DSCAML1: variants seen among roughly 807,000 people sequenced by gnomAD.
The protein encoded by DSCAML1 is DS cell adhesion molecule like 1.
DSCAML1 carries 38 observed loss-of-function variants against 200.5 expected under a neutral mutation model. The observed-to-expected ratio is 0.19, with a 90% CI of 0.15 to 0.25. The LOEUF (loss-of-function observed/expected upper bound fraction) is 0.25. Among genes scored for constraint, DSCAML1 ranks in the 10% least tolerant of loss-of-function variants. The pLI is 1.00. For missense variants in DSCAML1, 2,223 were observed against 2,858.8 expected, an observed-to-expected ratio of 0.78 and a Z score of 5.07; for synonymous variants, 1,215 against 1,165.0, an observed-to-expected ratio of 1.04 and a Z score of -0.87.
chr11:117,526,106 G>A (rs1479770907), intron 4 of DSCAML1, among the ~76,000 whole-genome samples: 1 of 152,234 alleles, frequency 6.6e-6, no homozygotes, highest in Non-Finnish European at 1.5e-5. Context: ...GAATTTCTGA[G>A]TGGTGTCCTG....
Position 117,486,430 on chromosome 11 carries a change from G to A in DSCAML1, c.2360-4268C>T, listed in dbSNP as rs902649351. Among the ~76,000 whole-genome samples, 24 of 151,472 alleles carry A rather than the reference G, an allele frequency of 1.6e-4. 1 individual carries two copies. The highest frequency in any genetic ancestry group is 2.1e-4 in the South Asian group (1 of 4,788). Reference sequence around the variant, plus strand: ...GGAAAGTGGCGGATGTGAAAATGGCGGATGTGAAAGTGGCAGATATGAAAG... The same window carrying A: ...GGAAAGTGGCGGATGTGAAAATGGCAGATGTGAAAGTGGCAGATATGAAAG... On this transcript the variant is annotated intron_variant, in intron 11 of 32. Coordinates refer to ENST00000651296, the MANE Select transcript of DSCAML1 (RefSeq NM_020693.4).
chr11:117,691,820 C>T (rs543997946), intron 3 of DSCAML1, among the ~76,000 whole-genome samples: 3 of 152,138 alleles, frequency 2.0e-5, no homozygotes, highest in Admixed American at 6.5e-5. Context: ...TTGCTCACAA[C>T]TTTCATTTCC....
chr11:117,706,060 G>T (rs2053754167), intron 3 of DSCAML1, among the ~76,000 whole-genome samples: 1 of 152,054 alleles, frequency 6.6e-6, no homozygotes, highest in Admixed American at 6.6e-5. Context: ...AGGTGGCTTG[G>T]CCTAATGAGC....
chr11:117,434,792 TCATCCATCCATC>T (rs572141989), intron 27 of DSCAML1, among the ~76,000 whole-genome samples: 70 of 151,626 alleles, frequency 4.6e-4, no homozygotes, highest in African/African-American at 1.7e-3. Flanking sequence ...ATCCACCCAA[TCATCCATCCATC>T]CATCCATCCT....
At chr11:117,452,648 T>C (rs1320727074) in intron 19 of DSCAML1, among the ~76,000 whole-genome samples, 2 of 152,244 alleles carry the variant, frequency 1.3e-5, no homozygotes, top group African/African-American at 2.4e-5. Context: ...TATTAAATAC[T>C]TTCTATTTGT....
Position 117,469,706 on chromosome 11 carries a change from G to A in DSCAML1, c.3024+204C>T, listed in dbSNP as rs1432160237. Among the ~76,000 whole-genome samples the A allele has an allele frequency of 6.6e-6, 1 of 152,096 alleles. No individual in the cohort carries two copies. Among genetic ancestry groups the A allele is most frequent in the African/African-American group, 2.4e-5 (1 of 41,420 alleles). On this transcript the variant is annotated intron_variant, in intron 16 of 32. Coordinates refer to ENST00000651296, the MANE Select transcript of DSCAML1 (RefSeq NM_020693.4). This position sits in a 1 kb window ranked among gnomAD's most constrained non-coding sequence, Gnocchi z 4.1. ...CTCCATCAGAGAACCAGGGAGGAGA[G>A]GGAAGTGGGGATTATTGTGCTGGAG...
chr11:117,640,492 C>T (rs1021540450), intron 3 of DSCAML1, among the ~76,000 whole-genome samples: 3 of 152,210 alleles, frequency 2.0e-5, no homozygotes, highest in African/African-American at 7.2e-5. Flanking sequence ...GACTGAAAGC[C>T]AGCCTCTGGG....
At chr11:117,524,566 T>C (rs979927212) in intron 5 of DSCAML1, among the ~76,000 whole-genome samples, 5 of 152,180 alleles carry the variant, frequency 3.3e-5, no homozygotes, top group African/African-American at 1.2e-4. Flanking sequence ...GAGCTGATGG[T>C]CATGGTTATG....
intron 1 of DSCAML1, among the ~76,000 whole-genome samples, chr11:117,803,789 G>T (rs906176513): frequency 6.6e-6 from 1 of 152,218 alleles, no homozygotes; most frequent in African/African-American, 2.4e-5. Context: ...CCCTTGGAGA[G>T]ATTTTCCTCC....
At chr11:117,691,648 G>A (rs546988221) in intron 3 of DSCAML1, among the ~76,000 whole-genome samples, 7 of 152,240 alleles carry the variant, frequency 4.6e-5, no homozygotes, top group Admixed American at 2.6e-4. Context: ...CCTGCTCGGC[G>A]TTTAATCTTA....
chr11:117,699,865 C>A (rs2053639370), intron 3 of DSCAML1, among the ~76,000 whole-genome samples: 1 of 152,228 alleles, frequency 6.6e-6, no homozygotes, highest in Non-Finnish European at 1.5e-5. Context: ...ACATACACTC[C>A]ACCCAGCCCA....
At chr11:117,514,579 T>C (rs866659819) in intron 8 of DSCAML1, among the ~76,000 whole-genome samples, 31,871 of 104,270 alleles carry the variant, frequency 0.31, 3,741 homozygotes, top group Non-Finnish European at 0.35. Flanking sequence ...TTTCTTTTTT[T>C]TTTTTTTTTT....
chr11:117,615,814 C>T (rs554827076), intron 3 of DSCAML1, among the ~76,000 whole-genome samples: 2 of 152,262 alleles, frequency 1.3e-5, no homozygotes, highest in East Asian at 1.9e-4. Context: ...CTAGGGTTCC[C>T]ATCAGTGGCC....
At chr11:117,734,242 G>A (rs1044563484) in intron 3 of DSCAML1, among the ~76,000 whole-genome samples, 8 of 152,190 alleles carry the variant, frequency 5.3e-5, no homozygotes, top group East Asian at 1.9e-4. Context: ...CAAAGGCATG[G>A]CCTTTCACCC....
chr11:117,733,225 G>A (rs753966074), intron 3 of DSCAML1, among the ~76,000 whole-genome samples: 8 of 152,134 alleles, frequency 5.3e-5, no homozygotes, highest in Non-Finnish European at 8.8e-5. Context: ...TCTGTTTTGT[G>A]AACCTCCTGT....
intron 3 of DSCAML1, among the ~76,000 whole-genome samples, chr11:117,573,233 G>A (rs571174481): frequency 2.8e-4 from 42 of 152,340 alleles, no homozygotes; most frequent in African/African-American, 8.9e-4. Context: ...CTGGCCGTAC[G>A]CTCTCTGCAA....
chr11:117,592,990 T>C, intron 3 of DSCAML1, among the ~76,000 whole-genome samples: 1 of 152,260 alleles, frequency 6.6e-6, no homozygotes, highest in East Asian at 1.9e-4. Context: ...CAAATGGGGC[T>C]AATGATACTT....
At chr11:117,497,516 T>C (rs917378511) in intron 11 of DSCAML1, among the ~76,000 whole-genome samples, 12 of 152,116 alleles carry the variant, frequency 7.9e-5, no homozygotes, top group African/African-American at 1.2e-4. Context: ...GGAGTCAGAG[T>C]GTTGCTCCTT....
chr11:117,439,820 T>C lies in DSCAML1; in HGVS notation c.3979A>G (p.Ser1327Gly). Residue 1327 changes from serine (S) to glycine (G), a missense_variant and splice_region_variant, in exon 22 of 33, where the codon AGT becomes GGT. Transcript: ENST00000651296. ...TCCCTCCACTGTCCCGACACACACCTGTCCTTGGTCCACTTCACAGCAGGG... is the reference window on the plus strand; with the variant it reads ...TCCCTCCACTGTCCCGACACACACCCGTCCTTGGTCCACTTCACAGCAGGG... ...PAPAVKWTKDSEDSAIPVSMD... is the reference protein window; with the variant it reads ...PAPAVKWTKDGEDSAIPVSMD... The C allele has an allele frequency of 6.2e-7, 1 of 1,613,566 alleles. No individual in the cohort carries two copies.
Sources: gnomAD v4.1 joint callset for allele counts (sites outside exome capture counted in the v4.1 genomes callset) on GRCh38, gnomAD v4.1.1 for gene constraint, Gnocchi (gnomAD v3.1) non-coding constraint, MANE v1.5 for transcripts, NCBI Gene and HGNC (gene_info 2026-07-23, HGNC 2026-07-21) for gene names.